The following CEP128 variants were observed in gnomAD, a reference collection of about 807,000 sequenced individuals.
CEP128 encodes centrosomal protein 128, also known as centrosomal protein 128kDa.
In CEP128, 132 loss-of-function variants were observed where a neutral mutation model predicts 156.7. That is an observed-to-expected ratio of 0.84 (90% CI 0.73 to 0.97). The LOEUF (loss-of-function observed/expected upper bound fraction) is 0.97. Among genes scored for constraint, CEP128 ranks in the 50% least tolerant of loss-of-function variants. The pLI, the probability that CEP128 is intolerant of heterozygous loss-of-function variation, is 0.00. For synonymous variants in CEP128, 469 were observed against 448.9 expected (o/e 1.04, Z -0.57); for missense variants, 1,252 against 1,281.9 (o/e 0.98, Z 0.36).
intron 8 of CEP128, among the ~76,000 whole-genome samples, chr14:80,894,982 G>A (rs927811393): frequency 6.6e-6 from 1 of 151,440 alleles, no homozygotes; most frequent in African/African-American, 2.4e-5. Flanking sequence ...AACTTTCCTT[G>A]AAAAAAAGGT....
chr14:80,776,853 ATATTCTGTTTCC>A (rs1223860452), intron 16 of CEP128, among the ~76,000 whole-genome samples: 1 of 152,194 alleles, frequency 6.6e-6, no homozygotes, highest in Non-Finnish European at 1.5e-5. Context: ...ACAAATTTAA[ATATTCTGTTTCC>A]TATTCTTAGT....
downstream of CEP128, among the ~76,000 whole-genome samples, chr14:80,487,211 G>T (rs1410594168): frequency 6.6e-6 from 1 of 151,924 alleles, no homozygotes; most frequent in Non-Finnish European, 1.5e-5. Context: ...ACAAAAAAAG[G>T]CAGGGGTTGC....
chr14:80,808,097 C>G (rs1884290804), intron 13 of CEP128, among the ~76,000 whole-genome samples: 3 of 152,250 alleles, frequency 2.0e-5, no homozygotes, highest in South Asian at 4.1e-4. Flanking sequence ...AGTAGTGGCA[C>G]AAACTCTATG....
rs192724936 is a variant in CEP128, at chr14:80,611,508, C to T, written c.2807-31085G>A. ...TTAAAATATTGTAAATACCACAAAT[C>T]TTAGATTATGGCTATTTGAAAGTAA... is the stretch of plus-strand genomic sequence containing the variant. On this transcript the variant is annotated intron_variant, in intron 19 of 24. Coordinates refer to ENST00000555265, the MANE Select transcript of CEP128 (RefSeq NM_152446.5). Among the ~76,000 whole-genome samples the T allele has an allele frequency of 1.2e-4, 18 of 152,012 alleles. No homozygotes were observed. The East Asian group carries it at 3.1e-3, about 26-fold the overall frequency.
At chr14:80,537,594 T>C (rs1889543104) in intron 21 of CEP128, among the ~76,000 whole-genome samples, 1 of 152,220 alleles carries the variant, frequency 6.6e-6, no homozygotes, top group Non-Finnish European at 1.5e-5. Context: ...TACAATCTAC[T>C]TAATTGTAAT....
At chr14:80,547,947 C>T (rs937082841) in intron 21 of CEP128, among the ~76,000 whole-genome samples, 6 of 152,026 alleles carry the variant, frequency 3.9e-5, no homozygotes, top group South Asian at 2.1e-4. Context: ...TACAGGCAAG[C>T]GCCACCACGC....
intron 8 of CEP128, chr14:80,894,460 T>A (rs1392675427): frequency 2.8e-6 from 1 of 357,868 alleles, no homozygotes; most frequent in African/African-American, 2.2e-5. Context: ...GTCCTTTTTT[T>A]GAAGTATGTG....
rs565260706 is a variant in CEP128 at position 80,736,163 on chromosome 14, G to A, written c.2806+6912C>T. Among the ~76,000 whole-genome samples, 5 of 151,260 alleles carry A rather than the reference G, an allele frequency of 3.3e-5. No individual in the cohort carries two copies. The South Asian group carries it at 1.0e-3, about 32-fold the overall frequency. On this transcript the variant is annotated intron_variant, in intron 19 of 24. Transcript: ENST00000555265. ...TACAACACACCATCAAAGCAGAAAC[G>A]ACCTCCCAGAAATCCATATTTGCAA...
intron 19 of CEP128, among the ~76,000 whole-genome samples, chr14:80,711,258 T>C (rs995352040): frequency 2.1e-4 from 31 of 151,216 alleles, no homozygotes; most frequent in Non-Finnish European, 4.0e-4. Context: ...ACCACTCCCT[T>C]TAGAATATGG....
chr14:80,922,175 C>T (rs533046043), intron 2 of CEP128, among the ~76,000 whole-genome samples: 1 of 152,280 alleles, frequency 6.6e-6, no homozygotes, highest in Non-Finnish European at 1.5e-5. Context: ...AATAAAAGCT[C>T]TATATTCAGA....
chr14:80,877,971 A>G (rs781535267), intron 8 of CEP128, among the ~76,000 whole-genome samples: 2 of 151,896 alleles, frequency 1.3e-5, no homozygotes, highest in African/African-American at 2.4e-5. Flanking sequence ...GGTACCTCAG[A>G]CCTCCTACAT....
chr14:80,934,170 G>A (rs946984840), intron 2 of CEP128, among the ~76,000 whole-genome samples: 1 of 152,130 alleles, frequency 6.6e-6, no homozygotes, highest in Admixed American at 6.5e-5. Context: ...CAAGCCTCCT[G>A]TCTTAATAAG....
chr14:80,904,323 AC>A (rs1883756901), intron 6 of CEP128, among the ~76,000 whole-genome samples: 1 of 152,092 alleles, frequency 6.6e-6, no homozygotes, highest in African/African-American at 2.4e-5. Context: ...AATAATGGTT[AC>A]CAGAGGGTGG....
downstream of CEP128, among the ~76,000 whole-genome samples, chr14:80,489,097 C>T (rs543272818): frequency 6.6e-6 from 1 of 151,274 alleles, no homozygotes; most frequent in African/African-American, 2.4e-5. Context: ...AACAAACCTG[C>T]ACATTGTGCA....
chr14:80,612,433 G>A (rs1387346061), intron 19 of CEP128, among the ~76,000 whole-genome samples: 1 of 152,144 alleles, frequency 6.6e-6, no homozygotes, highest in African/African-American at 2.4e-5. Flanking sequence ...TTCTTATATA[G>A]AGTCCTTGTT....
intron 19 of CEP128, among the ~76,000 whole-genome samples, chr14:80,652,575 C>G (rs1268568472): frequency 6.6e-6 from 1 of 151,924 alleles, no homozygotes; most frequent in African/African-American, 2.4e-5. Context: ...ATGCAGCCAA[C>G]AAACATGAAA....
At chr14:80,618,930 C>A (rs927525447) in intron 19 of CEP128, among the ~76,000 whole-genome samples, 1 of 152,126 alleles carries the variant, frequency 6.6e-6, no homozygotes, top group Non-Finnish European at 1.5e-5. Context: ...AATAGTGTTG[C>A]GCTAGCTAAA....
intron 4 of CEP128, among the ~76,000 whole-genome samples, chr14:80,907,651 C>G (rs549239950): frequency 2.6e-5 from 3 of 117,332 alleles, no homozygotes; most frequent in African/African-American, 7.0e-5. Flanking sequence ...GAGCGAGACT[C>G]TGTTTCAAAA....
chr14:80,485,648 C>T (rs1057329333), downstream of CEP128, among the ~76,000 whole-genome samples: 7 of 152,078 alleles, frequency 4.6e-5, no homozygotes, highest in Non-Finnish European at 8.8e-5. Flanking sequence ...ATAATAGAGA[C>T]TTTTTTAGCC....
Sources: gnomAD v4.1 joint callset for allele counts (sites outside exome capture counted in the v4.1 genomes callset) on GRCh38, gnomAD v4.1.1 for gene constraint, MANE v1.5 for transcripts, NCBI Gene and HGNC (gene_info 2026-07-23, HGNC 2026-07-21) for gene names.